FGD5: variants seen among roughly 807,000 people sequenced by gnomAD.
The protein encoded by FGD5 is FYVE, RhoGEF and PH domain-containing protein 5.
In FGD5, 28 loss-of-function variants were observed where a neutral mutation model predicts 133.4. The ratio of observed to expected loss-of-function variants is 0.21; its 90% CI spans 0.16 to 0.29. The LOEUF (loss-of-function observed/expected upper bound fraction) is 0.29, where lower values mean the gene tolerates loss of function less well. FGD5 is among the 10% of genes least tolerant of loss of function. FGD5 has a pLI of 1.00. For missense variants in FGD5, 1,858 were observed against 1,895.2 expected (o/e 0.98, Z 0.36); for synonymous variants, 810 against 776.5 (o/e 1.04, Z -0.72).
intron 13 of FGD5, 34 bp downstream of exon 13, chr3:14,918,867 G>T: frequency 1.2e-6 from 2 of 1,608,524 alleles, no homozygotes; most frequent in Non-Finnish European, 1.7e-6. Context: ...GGCGCACAAG[G>T]CAGAGGTGTG....
chr3:14,873,490 C>T (rs2037650074), intron 2 of FGD5, among the ~76,000 whole-genome samples: 1 of 152,116 alleles, frequency 6.6e-6, no homozygotes, highest in Non-Finnish European at 1.5e-5. Context: ...AGAATCCAGC[C>T]ATTAGCCGGC....
chr3:14,894,127 C>T (rs2038087797), intron 4 of FGD5, among the ~76,000 whole-genome samples: 1 of 152,178 alleles, frequency 6.6e-6, no homozygotes, highest in African/African-American at 2.4e-5. Flanking sequence ...CCCCTTCCCA[C>T]CTCTGGTAAC....
intron 1 of FGD5, among the ~76,000 whole-genome samples, chr3:14,812,641 TG>T (rs2036311150): frequency 6.6e-6 from 1 of 152,226 alleles, no homozygotes; most frequent in Non-Finnish European, 1.5e-5. Context: ...CCGTGCCCCA[TG>T]GTCTGAATTT....
Position 14,821,582 on chromosome 3 carries a change from C to A in FGD5, c.2511C>A (p.Asp837Glu). The A allele has an allele frequency of 6.3e-7, 1 of 1,596,748 alleles. No individual in the cohort carries two copies. The highest frequency in any genetic ancestry group is 8.6e-7 in the Non-Finnish European group (1 of 1,169,554). The change falls in exon 1 of 20, where the codon GAC becomes GAA. Residue 837 changes from aspartate to glutamate, a missense_variant. Asp to Glu is a conservative substitution (Grantham distance 45). Around this residue, in one of 3 missense-constraint regions of FGD5, gnomAD observed 1,824 missense variants for 1,848.9 expected, o/e 0.99. Coordinates refer to ENST00000285046, the MANE Select transcript of FGD5 (RefSeq NM_152536.4). The stretch of plus-strand genomic sequence containing the variant: ...TTGAGAGCAAACAGCAGAGTGCAGA[C>A]CAGGACGCAGAAAGGTACCTGACAT... ...NAFESKQQSA[D>E]QDAESAYTEP...
intron 1 of FGD5, among the ~76,000 whole-genome samples, chr3:14,851,557 T>C (rs1051670699): frequency 6.6e-6 from 1 of 152,234 alleles, no homozygotes; most frequent in Non-Finnish European, 1.5e-5. Context: ...CCAGCATCAC[T>C]ACCTCAGGTT....
At chr3:14,896,237 A>G (rs140103652) in intron 4 of FGD5, among the ~76,000 whole-genome samples, 358 of 152,320 alleles carry the variant, frequency 2.4e-3, no homozygotes, top group African/African-American at 8.2e-3. Context: ...ATCCAATACA[A>G]TCCCTATCAA....
Position 14,922,368 on chromosome 3 carries a change from C to T in FGD5, c.3670-43C>T. On this transcript the variant is annotated intron_variant, in intron 14 of 19. Transcript: ENST00000285046. The surrounding 1 kb of genome is among the most constrained non-coding windows in gnomAD (Gnocchi z 4.1). ...ACTGGGCTCTGCATCTGGCTGGTCT[C>T]CTGGCCACATTCCACATTACTCAGC... 3 of 1,553,442 alleles carry T rather than the reference C, an allele frequency of 1.9e-6. No homozygotes were observed. The highest frequency in any genetic ancestry group is 1.2e-5 in the South Asian group (1 of 84,132).
chr3:14,908,514 A>C (rs558427309), intron 10 of FGD5, among the ~76,000 whole-genome samples: 1 of 152,332 alleles, frequency 6.6e-6, no homozygotes. Context: ...TGAAATCCCA[A>C]AAGATCAAAA....
intron 1 of FGD5, among the ~76,000 whole-genome samples, chr3:14,835,754 C>T (rs2036805615): frequency 6.6e-6 from 1 of 152,186 alleles, no homozygotes; most frequent in Non-Finnish European, 1.5e-5. Context: ...GAGCCGTTTT[C>T]TAGAATGCCT....
rs1386764561 is a variant in FGD5, at chr3:14,932,728, A to G, written c.4349A>G (p.Gln1450Arg). Residue 1450 changes from glutamine (Q) to arginine (R), a missense_variant, in exon 19 of 20, where the codon CAG becomes CGG. By Grantham distance (43) the Gln-to-Arg change is conservative. This residue lies in a region of FGD5 where 1,824 missense variants were observed against 1,848.9 expected (regional missense o/e 0.99). Coordinates refer to ENST00000285046, the MANE Select transcript of FGD5 (RefSeq NM_152536.4). ...AAAGCAGAAGATACCAATTCAGCTC[A>G]GAGGTACGAAAAGAACTAATTAGTC... ...SFKAEDTNSAQRWIEAMEDAS... is the reference protein window; with the variant it reads ...SFKAEDTNSARRWIEAMEDAS... 1 of 1,611,970 alleles carries G rather than the reference A, an allele frequency of 6.2e-7. No individual in the cohort carries two copies. The highest frequency in any genetic ancestry group is 8.5e-7 in the Non-Finnish European group (1 of 1,179,240).
chr3:14,884,309 G>A (rs970940562), intron 4 of FGD5, among the ~76,000 whole-genome samples: 2 of 152,124 alleles, frequency 1.3e-5, no homozygotes, highest in African/African-American at 4.8e-5. Context: ...TTTGCTGATT[G>A]GGAGATAACT....
In FGD5 at chr3:14,821,379, G is replaced by A. The variant is rs2036498516; in HGVS notation, c.2308G>A (p.Asp770Asn). ...KPRSISFPSADTSDYENIPAM... is the reference protein window; with the variant it reads ...KPRSISFPSANTSDYENIPAM... ...ACGGTCCATCTCCTTCCCCAGCGCT[G>A]ACACTTCAGACTATGAGAACATTCC... Residue 770 changes from aspartate (D) to asparagine (N), a missense_variant, in exon 1 of 20, where the codon GAC (aspartate) becomes AAC (asparagine). Asp to Asn is a conservative substitution (Grantham distance 23). Around this residue, in one of 3 missense-constraint regions of FGD5, gnomAD observed 1,824 missense variants for 1,848.9 expected, o/e 0.99. Coordinates refer to ENST00000285046, the MANE Select transcript of FGD5 (RefSeq NM_152536.4). 1.9e-6 allele frequency: 3 copies of A among 1,613,836 alleles called. No homozygotes were observed. Among genetic ancestry groups the A allele is most frequent in the African/African-American group, 2.7e-5 (2 of 74,910 alleles).
At chr3:14,825,257 T>C (rs1167536034) in intron 1 of FGD5, among the ~76,000 whole-genome samples, 1 of 152,204 alleles carries the variant, frequency 6.6e-6, no homozygotes, top group Non-Finnish European at 1.5e-5. Context: ...TTATTACCTA[T>C]GTCCATTTTT....
chr3:14,864,103 C>T (rs1017416970), intron 1 of FGD5, 25 bp from the exon 2 acceptor site: 2 of 1,604,580 alleles, frequency 1.2e-6, no homozygotes, highest in Non-Finnish European at 8.5e-7. Context: ...AAGCTTTAAC[C>T]CTTCTTTCCC....
At chr3:14,872,624 A>G (rs1575222404) in intron 2 of FGD5, among the ~76,000 whole-genome samples, 3 of 152,358 alleles carry the variant, frequency 2.0e-5, no homozygotes, top group Non-Finnish European at 4.4e-5. Context: ...GCAAGCGTGC[A>G]TGTTGCATGT....
chr3:14,901,481 G>T (rs1434336014), intron 9 of FGD5, among the ~76,000 whole-genome samples: 1 of 152,212 alleles, frequency 6.6e-6, no homozygotes, highest in Non-Finnish European at 1.5e-5. Flanking sequence ...ACTAGAATAT[G>T]TGGCTCTAAG....
chr3:14,911,045 AT>A (rs1241066917), intron 11 of FGD5, 116 bp downstream of exon 11: 5 of 976,452 alleles, frequency 5.1e-6, no homozygotes, highest in Non-Finnish European at 7.7e-6. Flanking sequence ...CAGAGCAGAC[AT>A]TTGGGGGTGA....
chr3:14,876,192 G>C (rs1266068910), intron 2 of FGD5, among the ~76,000 whole-genome samples: 1 of 152,156 alleles, frequency 6.6e-6, no homozygotes, highest in East Asian at 1.9e-4. Context: ...AAAAGGCCTG[G>C]GGTTCCCTGG....
intron 18 of FGD5, 67 bp downstream of exon 18, chr3:14,926,265 C>T (rs2038801300): frequency 6.3e-7 from 1 of 1,586,766 alleles, no homozygotes. Context: ...GGCCTGCACA[C>T]ATCCTGTCAC....
Sources: gnomAD v4.1 joint callset for allele counts (sites outside exome capture counted in the v4.1 genomes callset) on GRCh38, gnomAD v4.1.1 for gene constraint, gnomAD v4.1.1 regional missense constraint, Gnocchi (gnomAD v3.1) non-coding constraint, MANE v1.5 for transcripts, NCBI Gene and HGNC (gene_info 2026-07-23, HGNC 2026-07-21) for gene names.